Variants in CHMP6 observed in about 807,000 individuals in gnomAD.
CHMP6 encodes charged multivesicular body protein 6, also known as chromatin-modifying protein 6.
CHMP6 carries 10 observed loss-of-function variants against 32.8 expected under a neutral mutation model. The ratio of observed to expected loss-of-function variants is 0.30; its 90% CI spans 0.19 to 0.52. The LOEUF is 0.52. Among genes scored for constraint, CHMP6 ranks in the 20% least tolerant of loss-of-function variants. The probability of loss-of-function intolerance (pLI) is 0.97; values close to 1 mark genes in which losing one functional copy is unlikely to be tolerated. For synonymous variants in CHMP6, 123 were observed against 105.8 expected, an observed-to-expected ratio of 1.16 and a Z score of -1.00; for missense variants, 269 against 263.8, an observed-to-expected ratio of 1.02 and a Z score of -0.14.
Position 80,999,155 on chromosome 17 carries a change from G to C in CHMP6, c.*2G>C, listed in dbSNP as rs376966700. 1 of 1,613,918 alleles carries C rather than the reference G, an allele frequency of 6.2e-7. No homozygotes were observed. Among genetic ancestry groups the C allele is most frequent in the Non-Finnish European group, 8.5e-7 (1 of 1,179,892 alleles). ...GCGGAGCTGGTGGCAGCTTCGTAAC[G>C]TGGCCTCGTCTTGTGGGACTCACGG... On this transcript the variant is annotated 3_prime_UTR_variant, in exon 8 of 8. Coordinates refer to ENST00000325167, the MANE Select transcript of CHMP6 (RefSeq NM_024591.5).
intron 5 of CHMP6, 70 bp downstream of exon 5, chr17:80,997,142 G>A: frequency 1.9e-6 from 3 of 1,604,824 alleles, no homozygotes; most frequent in South Asian, 2.2e-5. Flanking sequence ...GGGCCAAACT[G>A]TCCCACATCC....
rs1289320195 is a variant in CHMP6, at chr17:80,999,934, C to G, written c.*781C>G. Reference sequence around the variant, plus strand: ...AACTGCGAGACCCGGGACCCTCCTGCCCTGCGGGTCCCCGAGCCACCAGCA... The same window carrying G: ...AACTGCGAGACCCGGGACCCTCCTGGCCTGCGGGTCCCCGAGCCACCAGCA... On this transcript the variant is annotated 3_prime_UTR_variant, in exon 8 of 8. Coordinates refer to ENST00000325167, the MANE Select transcript of CHMP6 (RefSeq NM_024591.5). 1 of 152,258 alleles carries G rather than the reference C, an allele frequency of 6.6e-6. No individual in the cohort carries two copies. The highest frequency in any genetic ancestry group is 1.9e-4 in the East Asian group (1 of 5,188). 9.4% of individuals were successfully genotyped at this position (152,258 alleles called of 1,614,324 possible). A position where few individuals can be genotyped will look rare whatever the true frequency, so the allele number is the denominator to read the frequency against.
rs770354469 is a variant in CHMP6, at chr17:80,997,346, C to T, written c.495+5C>T. ...GAGCTGAGCGCAATCACTCAGGTAACGGCCCCCCCGGGACTGAGCACAGTC... is the reference window on the plus strand; with the variant it reads ...GAGCTGAGCGCAATCACTCAGGTAATGGCCCCCCCGGGACTGAGCACAGTC... On this transcript the variant is annotated splice_donor_5th_base_variant and intron_variant, in intron 6 of 7. Transcript: ENST00000325167. 58 of 1,072,734 alleles carry T rather than the reference C, an allele frequency of 5.4e-5. 1 individual carries two copies. The African/African-American group carries it at 6.3e-4, about 12-fold the overall frequency. The allele number at this position is 1,072,734 out of a possible 1,614,324, so 66.5% of individuals were successfully genotyped here. A position where few individuals can be genotyped will look rare whatever the true frequency, so the allele number is the denominator to read the frequency against.
intron 5 of CHMP6, 31 bp downstream of exon 5, chr17:80,997,103 A>G (rs1377675393): frequency 1.2e-6 from 2 of 1,611,592 alleles, no homozygotes; most frequent in Admixed American, 1.7e-5. Flanking sequence ...CCTGCCCCCA[A>G]CTGTGAGAAC....
intron 5 of CHMP6, 66 bp from the exon 6 acceptor site, chr17:80,997,195 G>A (rs1486827962): frequency 1.9e-6 from 3 of 1,605,726 alleles, no homozygotes; most frequent in African/African-American, 2.7e-5. Flanking sequence ...CCCAGCCACA[G>A]GCCATCTCCT....
At chr17:80,992,758 C>T (rs753586868) in intron 1 of CHMP6, among the ~76,000 whole-genome samples, 3 of 152,102 alleles carry the variant, frequency 2.0e-5, no homozygotes, top group Non-Finnish European at 4.4e-5. Flanking sequence ...AGGGACAGGG[C>T]GGGTTAAGAA....
chr17:80,992,847 T>G (rs2144144693), intron 1 of CHMP6, among the ~76,000 whole-genome samples: 1 of 152,356 alleles, frequency 6.6e-6, no homozygotes, highest in Admixed American at 6.5e-5. Context: ...TTCGGATGCT[T>G]TCTTTTCTAA....
chr17:80,998,321 G>A (rs754641674), intron 6 of CHMP6, 45 bp from the exon 7 acceptor site: 1 of 1,612,336 alleles, frequency 6.2e-7, no homozygotes, highest in East Asian at 2.2e-5. Flanking sequence ...GCAGCCCGGG[G>A]CAGACCTGTC....
chr17:80,995,843 G>A (rs535132801), intron 4 of CHMP6, 85 bp downstream of exon 4: 24 of 1,250,552 alleles, frequency 1.9e-5, no homozygotes, highest in African/African-American at 1.8e-4. Context: ...CTTGTCCCAC[G>A]GTGTTCGTGT....
chr17:80,996,586 CAAAAG>C (rs772019093), intron 4 of CHMP6, among the ~76,000 whole-genome samples: 1 of 152,320 alleles, frequency 6.6e-6, no homozygotes, highest in African/African-American at 2.4e-5. Flanking sequence ...TTTTGCCACT[CAAAAG>C]AAATCAAGTC....
intron 2 of CHMP6, 49 bp from the exon 3 acceptor site, chr17:80,994,970 G>C: frequency 6.6e-7 from 1 of 1,516,152 alleles, no homozygotes; most frequent in Middle Eastern, 1.7e-4. Flanking sequence ...GCTGGGGTGG[G>C]GGGCCCAGGC....
intron 4 of CHMP6, 81 bp downstream of exon 4, chr17:80,995,839 C>G: frequency 7.7e-7 from 1 of 1,294,266 alleles, no homozygotes; most frequent in East Asian, 2.3e-5. Context: ...GGGGCTTGTC[C>G]CACGGTGTTC....
At chr17:80,996,370 C>G (rs925457323) in intron 4 of CHMP6, among the ~76,000 whole-genome samples, 1 of 152,078 alleles carries the variant, frequency 6.6e-6, no homozygotes, top group South Asian at 2.1e-4. Flanking sequence ...CCGGCCTCAT[C>G]TCAGGCCGGG....
At chr17:80,996,378 G>A (rs1598439602) in intron 4 of CHMP6, among the ~76,000 whole-genome samples, 1 of 151,270 alleles carries the variant, frequency 6.6e-6, no homozygotes, top group Non-Finnish European at 1.5e-5. Flanking sequence ...ATCTCAGGCC[G>A]GGCATGGATG....
Position 80,997,241 on chromosome 17 carries a change from C to T in CHMP6, c.415-20C>T, listed in dbSNP as rs2069645523. ...GGGGCCACCTCCTCGCTGCTCTCACCACCGCCTGTCCTTTTGCAGCAAATA... is the reference window on the plus strand; with the variant it reads ...GGGGCCACCTCCTCGCTGCTCTCACTACCGCCTGTCCTTTTGCAGCAAATA... On this transcript the variant is annotated intron_variant, in intron 5 of 7. Transcript: ENST00000325167. 1 of 1,613,568 alleles carries T rather than the reference C, an allele frequency of 6.2e-7. No homozygotes were observed. The highest frequency in any genetic ancestry group is 8.5e-7 in the Non-Finnish European group (1 of 1,179,856).
chr17:80,999,066 G>A (rs772589049), intron 7 of CHMP6, 32 bp from the exon 8 acceptor site: 32 of 1,612,962 alleles, frequency 2.0e-5, no homozygotes, highest in Non-Finnish European at 2.7e-5. Context: ...TGGGTCTTTG[G>A]CGTGTCATAA....
chr17:80,997,857 G>A (rs1010269612), intron 6 of CHMP6, among the ~76,000 whole-genome samples: 16 of 152,202 alleles, frequency 1.1e-4, no homozygotes, highest in Non-Finnish European at 1.8e-4. Context: ...GGTGCTGTGC[G>A]GCCCATGGTG....
intron 1 of CHMP6, among the ~76,000 whole-genome samples, chr17:80,993,220 G>C (rs1481502292): frequency 6.6e-6 from 1 of 152,224 alleles, no homozygotes; most frequent in Non-Finnish European, 1.5e-5. Flanking sequence ...CTGGGATTTT[G>C]GGTGCTTGGG....
At chr17:80,993,293 A>G (rs1326695240) in intron 1 of CHMP6, among the ~76,000 whole-genome samples, 1 of 145,924 alleles carries the variant, frequency 6.9e-6, no homozygotes, top group Non-Finnish European at 1.5e-5. Flanking sequence ...TTTCTAGGAT[A>G]ACAGGTGTTC....
Sources: allele counts gnomAD v4.1 joint callset (sites outside exome capture counted in the v4.1 genomes callset), GRCh38; gene constraint gnomAD v4.1.1; transcripts MANE v1.5; gene names NCBI Gene and HGNC (gene_info 2026-07-23, HGNC 2026-07-21).